PEX7: variants seen among roughly 807,000 people sequenced by gnomAD.
PEX7 encodes the protein peroxisomal biogenesis factor 7.
A neutral mutation model predicts 47.5 loss-of-function variants in PEX7; 34 were observed. The ratio of observed to expected loss-of-function variants is 0.72; its 90% CI spans 0.54 to 0.95. The LOEUF (loss-of-function observed/expected upper bound fraction) is 0.95. PEX7 is among the 40% of genes least tolerant of loss of function. The pLI, the probability that PEX7 is intolerant of heterozygous loss-of-function variation, is 0.00. For missense variants in PEX7, 394 were observed against 400.3 expected, an observed-to-expected ratio of 0.98 and a Z score of 0.13; for synonymous variants, 141 against 148.8, an observed-to-expected ratio of 0.95 and a Z score of 0.38.
intron 5 of PEX7, among the ~76,000 whole-genome samples, chr6:136,861,275 G>C (rs1774959378): frequency 6.6e-6 from 1 of 152,020 alleles, no homozygotes; most frequent in South Asian, 2.1e-4. Context: ...TGTAGAGACA[G>C]GATTTCACGG....
chr6:136,911,729 G>A (rs549339044), intron 9 of PEX7, among the ~76,000 whole-genome samples: 2 of 152,126 alleles, frequency 1.3e-5, no homozygotes, highest in Admixed American at 6.5e-5. Context: ...TTTTGCTATC[G>A]TGAATGAAGT....
chr6:136,855,987 T>A (rs1774855458), intron 5 of PEX7, among the ~76,000 whole-genome samples: 1 of 152,222 alleles, frequency 6.6e-6, no homozygotes, highest in African/African-American at 2.4e-5. Context: ...ACCTCTTCTT[T>A]TTACATTGGT....
chr6:136,842,134 G>A (rs773591419), intron 3 of PEX7, among the ~76,000 whole-genome samples: 1 of 151,506 alleles, frequency 6.6e-6, no homozygotes, highest in Admixed American at 6.6e-5. Flanking sequence ...AGCTGAGACT[G>A]CAGGTGCCTG....
intron 2 of PEX7, among the ~76,000 whole-genome samples, chr6:136,825,538 A>AT (rs898185886): frequency 2.7e-4 from 39 of 146,754 alleles, no homozygotes; most frequent in Admixed American, 2.7e-4. Context: ...TCTAAAAGAA[A>AT]TTTTTTTTTT....
chr6:136,888,488 C>T (rs975470736), intron 8 of PEX7, among the ~76,000 whole-genome samples: 7 of 152,160 alleles, frequency 4.6e-5, no homozygotes, highest in Non-Finnish European at 8.8e-5. Context: ...GGGTTCACCA[C>T]ACCTCACCAA....
chr6:136,823,398 A>G (rs1306716562), intron 1 of PEX7: 3 of 971,192 alleles, frequency 3.1e-6, no homozygotes, highest in East Asian at 2.3e-4. Context: ...TACAGACTCC[A>G]GTTAATTGTC....
At chr6:136,842,107 G>C (rs771955609) in intron 3 of PEX7, among the ~76,000 whole-genome samples, 17 of 150,790 alleles carry the variant, frequency 1.1e-4, no homozygotes, top group Admixed American at 2.6e-4. Context: ...CGATTCTCCT[G>C]CCTCAGCCTC....
At chr6:136,861,579 GT>G (rs200085865) in intron 5 of PEX7, among the ~76,000 whole-genome samples, 6 of 150,618 alleles carry the variant, frequency 4.0e-5, no homozygotes, top group Non-Finnish European at 8.9e-5. Context: ...TAATTAAATG[GT>G]TTTTTTTTAG....
At chr6:136,913,325 A>C (rs553217214) in intron 9 of PEX7, 133 bp from the exon 10 acceptor site, 2 of 708,650 alleles carry the variant, frequency 2.8e-6, no homozygotes, top group African/African-American at 3.5e-5. Flanking sequence ...ACGTAGCCCT[A>C]TGTTTTCCCT....
At chr6:136,862,006 A>AT (rs1378846396) in intron 5 of PEX7, among the ~76,000 whole-genome samples, 1 of 142,418 alleles carries the variant, frequency 7.0e-6, no homozygotes, top group African/African-American at 2.6e-5. Flanking sequence ...ATATATATAT[A>AT]TTTTTTCTGT....
intron 9 of PEX7, chr6:136,901,381 AC>A (rs1470030132): frequency 1.3e-5 from 2 of 152,124 alleles, no homozygotes; most frequent in Non-Finnish European, 2.9e-5. Flanking sequence ...GACCAGACAC[AC>A]CCTAGCAGTT....
intron 5 of PEX7, among the ~76,000 whole-genome samples, chr6:136,860,676 AAAAG>A (rs200414345): frequency 9.5e-4 from 93 of 97,388 alleles, no homozygotes; most frequent in South Asian, 1.7e-3. Context: ...ATTAAAAAAA[AAAAG>A]AAAGAAAGTG....
chr6:136,845,108 A>G lies in PEX7; in HGVS notation c.340-507A>G, dbSNP rs934708219. Among the ~76,000 whole-genome samples, 63 of 152,390 alleles carry G rather than the reference A, an allele frequency of 4.1e-4. 1 individual carries two copies. Among genetic ancestry groups the G allele is most frequent in the Admixed American group, 2.8e-3 (43 of 15,308 alleles). On this transcript the variant is annotated intron_variant, in intron 3 of 9. Transcript: ENST00000318471. Reference sequence around the variant, plus strand: ...AATGGTTCACTGAGAGCAGTGAAGCATATACTTTAGAATAGCAGCATTGGA... The same window carrying G: ...AATGGTTCACTGAGAGCAGTGAAGCGTATACTTTAGAATAGCAGCATTGGA...
chr6:136,894,978 T>C (rs2115268319), intron 8 of PEX7, among the ~76,000 whole-genome samples: 1 of 152,346 alleles, frequency 6.6e-6, no homozygotes, highest in South Asian at 2.1e-4. Context: ...ACTTACGCGA[T>C]AGATGCATGA....
At chr6:136,908,672 C>G (rs748398285) in intron 9 of PEX7, among the ~76,000 whole-genome samples, 6 of 151,814 alleles carry the variant, frequency 4.0e-5, no homozygotes, top group Non-Finnish European at 8.8e-5. Flanking sequence ...GGAAGAGAGT[C>G]AAACAAGAGA....
chr6:136,881,515 A>T (rs1203867198), intron 8 of PEX7, among the ~76,000 whole-genome samples: 2 of 152,184 alleles, frequency 1.3e-5, no homozygotes, highest in Non-Finnish European at 2.9e-5. Context: ...TTTAATTGGG[A>T]CATCTTAAAT....
rs184982475 is a variant in PEX7, at chr6:136,911,804, T to C, written c.904-1654T>C. ...TGTTTTCATTTTTCTTGGACAAATA[T>C]CTGGGAGTGGAATTACTGGGTCAAA... On this transcript the variant is annotated intron_variant, in intron 9 of 9. Coordinates refer to ENST00000318471, the MANE Select transcript of PEX7 (RefSeq NM_000288.4). Among the ~76,000 whole-genome samples the C allele has an allele frequency of 5.7e-4, 87 of 152,304 alleles. 1 individual carries two copies. Among genetic ancestry groups the C allele is most frequent in the African/African-American group, 2.0e-3 (85 of 41,574 alleles).
intron 3 of PEX7, among the ~76,000 whole-genome samples, chr6:136,841,556 C>T (rs1168948245): frequency 6.6e-6 from 1 of 152,092 alleles, no homozygotes; most frequent in Non-Finnish European, 1.5e-5. Context: ...CCAAGCACCC[C>T]TTTTGTACTT....
chr6:136,855,259 C>CT (rs1481837898), intron 5 of PEX7, among the ~76,000 whole-genome samples: 1 of 151,784 alleles, frequency 6.6e-6, no homozygotes, highest in Non-Finnish European at 1.5e-5. Flanking sequence ...ATTGATAGGT[C>CT]TTAAAAAATT....
Sources: gnomAD v4.1 joint callset for allele counts (sites outside exome capture counted in the v4.1 genomes callset) on GRCh38, gnomAD v4.1.1 for gene constraint, MANE v1.5 for transcripts, NCBI Gene and HGNC (gene_info 2026-07-23, HGNC 2026-07-21) for gene names.